PSMA1: variants seen among roughly 807,000 people sequenced by gnomAD.
The protein encoded by PSMA1 is proteasome subunit alpha type-1.
A neutral mutation model predicts 38.4 loss-of-function variants in PSMA1; 3 were observed. The ratio of observed to expected loss-of-function variants is 0.08; its 90% CI spans 0.04 to 0.20. The LOEUF (loss-of-function observed/expected upper bound fraction) is 0.20, where lower values mean the gene tolerates loss of function less well. Among genes scored for constraint, PSMA1 ranks in the 10% least tolerant of loss-of-function variants. The probability of loss-of-function intolerance (pLI) is 1.00; values close to 1 mark genes in which losing one functional copy is unlikely to be tolerated. For missense variants in PSMA1, 227 were observed against 325.3 expected, an observed-to-expected ratio of 0.70 and a Z score of 2.32; for synonymous variants, 101 against 107.1, an observed-to-expected ratio of 0.94 and a Z score of 0.35.
chr11:14,625,541 C>G (rs1590015074), intron 1 of PSMA1, among the ~76,000 whole-genome samples: 1 of 152,192 alleles, frequency 6.6e-6, no homozygotes, highest in Non-Finnish European at 1.5e-5. Context: ...TGTTTCAGTA[C>G]TGAGGCAATA....
chr11:14,520,237 G>C, intron 1 of PSMA1, 60 bp downstream of exon 1: 5 of 1,610,776 alleles, frequency 3.1e-6, no homozygotes, highest in Admixed American at 3.3e-5. Context: ...GAGGTGGCTC[G>C]TCATCCCCCA....
intron 1 of PSMA1, among the ~76,000 whole-genome samples, chr11:14,636,986 T>C (rs557340045): frequency 3.3e-4 from 51 of 152,340 alleles, no homozygotes; most frequent in African/African-American, 1.1e-3. Context: ...CTTCATTCAA[T>C]ACCAGCATTG....
intron 9 of PSMA1, among the ~76,000 whole-genome samples, chr11:14,506,664 G>A (rs993601551): frequency 1.3e-5 from 2 of 152,164 alleles, no homozygotes; most frequent in Admixed American, 6.5e-5. Context: ...GGCCCCCAAT[G>A]AGCATTTCTC....
intron 1 of PSMA1, among the ~76,000 whole-genome samples, chr11:14,641,842 T>A (rs953098757): frequency 6.6e-6 from 1 of 152,230 alleles, no homozygotes; most frequent in Non-Finnish European, 1.5e-5. Context: ...GTCTTAAGGA[T>A]GCCTATGTAT....
chr11:14,593,419 A>G (rs768110304), intron 2 of PSMA1, among the ~76,000 whole-genome samples: 9 of 152,220 alleles, frequency 5.9e-5, no homozygotes, highest in Non-Finnish European at 1.0e-4. Context: ...AAATGCTTCC[A>G]TAAGGTTCTA....
intron 2 of PSMA1, among the ~76,000 whole-genome samples, chr11:14,595,678 TC>T (rs531817925): frequency 1.1e-4 from 17 of 152,358 alleles, no homozygotes; most frequent in Middle Eastern, 6.8e-3. Flanking sequence ...AAAAATTTTC[TC>T]CCATTCTGTA....
At chr11:14,617,715 G>T (rs1396314682) in intron 1 of PSMA1, among the ~76,000 whole-genome samples, 1 of 151,168 alleles carries the variant, frequency 6.6e-6, no homozygotes, top group Non-Finnish European at 1.5e-5. Flanking sequence ...GTGTGTGTGT[G>T]TGTGTGTATA....
chr11:14,631,121 T>G (rs1853001013), intron 1 of PSMA1, among the ~76,000 whole-genome samples: 1 of 152,056 alleles, frequency 6.6e-6, no homozygotes, highest in South Asian at 2.1e-4. Context: ...AACCAGCTCC[T>G]GGATTCATTA....
chr11:14,506,987 C>T (rs1851254332), intron 9 of PSMA1, among the ~76,000 whole-genome samples: 1 of 152,174 alleles, frequency 6.6e-6, no homozygotes, highest in South Asian at 2.1e-4. Flanking sequence ...GTTCCAGTTG[C>T]ACCCCACAAA....
intron 2 of PSMA1, among the ~76,000 whole-genome samples, chr11:14,584,500 G>GTTTTTTTTTTTTTTT (rs765040764): frequency 1.5e-5 from 2 of 133,664 alleles, no homozygotes; most frequent in African/African-American, 3.0e-5. Flanking sequence ...TGTTTTTTTT[G>GTTTTTTTTTTTTTTT]TTTTTTGTTT....
chr11:14,611,565 G>A (rs1852709050), intron 1 of PSMA1, among the ~76,000 whole-genome samples: 1 of 152,130 alleles, frequency 6.6e-6, no homozygotes, highest in African/African-American at 2.4e-5. Flanking sequence ...AAAACTCTAT[G>A]CCTTAAACTG....
intron 1 of PSMA1, among the ~76,000 whole-genome samples, chr11:14,634,129 C>G (rs1010855905): frequency 6.6e-6 from 1 of 152,130 alleles, no homozygotes; most frequent in African/African-American, 2.4e-5. Context: ...GCTGTAGACC[C>G]GGAGCTGTTC....
intron 1 of PSMA1, among the ~76,000 whole-genome samples, chr11:14,631,119 C>A (rs867674713): frequency 6.6e-6 from 1 of 151,870 alleles, no homozygotes; most frequent in African/African-American, 2.4e-5. Context: ...AAAACCAGCT[C>A]CTGGATTCAT....
intron 2 of PSMA1, among the ~76,000 whole-genome samples, chr11:14,568,539 C>T (rs1431956098): frequency 6.6e-6 from 1 of 152,160 alleles, no homozygotes; most frequent in Admixed American, 6.5e-5. Context: ...TTTCACAGTC[C>T]TTAACTCAGG....
intron 2 of PSMA1, among the ~76,000 whole-genome samples, chr11:14,597,594 C>T (rs1852515138): frequency 6.6e-6 from 1 of 152,040 alleles, no homozygotes; most frequent in Non-Finnish European, 1.5e-5. Flanking sequence ...GGTGATATCC[C>T]CTTTATCATT....
rs1852596426 is a variant in PSMA1, at chr11:14,602,586, G to T, written c.21+8380C>A. On this transcript the variant is annotated intron_variant, in intron 2 of 10. Coordinates refer to the PSMA1 transcript ENST00000418988. ...AAATTTGACCTTTTTTTGATGGGAGGAGTAGAAAGTCATGCTCATAATCTT... is the reference window on the plus strand; with the variant it reads ...AAATTTGACCTTTTTTTGATGGGAGTAGTAGAAAGTCATGCTCATAATCTT... Among the ~76,000 whole-genome samples the T allele has an allele frequency of 2.6e-5, 4 of 152,052 alleles. No homozygotes were observed. In the South Asian group the frequency reaches 8.3e-4, roughly 31 times the overall value.
At chr11:14,591,835 C>T (rs1160507527) in intron 2 of PSMA1, among the ~76,000 whole-genome samples, 1 of 152,178 alleles carries the variant, frequency 6.6e-6, no homozygotes, top group African/African-American at 2.4e-5. Flanking sequence ...TAAAAGCAGG[C>T]TGCCCCAGCC....
At chr11:14,627,557 C>T (rs1409456616) in intron 1 of PSMA1, among the ~76,000 whole-genome samples, 2 of 152,170 alleles carry the variant, frequency 1.3e-5, no homozygotes, top group Non-Finnish European at 2.9e-5. Flanking sequence ...GCTCCACCAA[C>T]TACTAGATGT....
At chr11:14,584,965 C>A (rs372984898) in intron 2 of PSMA1, among the ~76,000 whole-genome samples, 11 of 152,306 alleles carry the variant, frequency 7.2e-5, no homozygotes, top group African/African-American at 2.4e-4. Flanking sequence ...CAACCTTATA[C>A]ACTACAGTAA....
Sources: allele counts gnomAD v4.1 joint callset (sites outside exome capture counted in the v4.1 genomes callset), GRCh38; gene constraint gnomAD v4.1.1; transcripts MANE v1.5; gene names NCBI Gene and HGNC (gene_info 2026-07-23, HGNC 2026-07-21).